The following ELP4 variants were observed in gnomAD, a reference collection of about 807,000 sequenced individuals.
ELP4 encodes the protein elongator acetyltransferase complex subunit 4, also known as elongator complex protein 4.
Under a neutral mutation model 48.9 loss-of-function variants are expected in ELP4, and 51 were observed. That is an observed-to-expected ratio of 1.04 (90% CI 0.83 to 1.32). The LOEUF is 1.32. Among genes scored for constraint, ELP4 ranks in the 40% most tolerant of loss-of-function variants. The pLI is 0.00. For synonymous variants in ELP4, 210 were observed against 189.2 expected (o/e 1.11, Z -0.90); for missense variants, 519 against 514.6 (o/e 1.01, Z -0.08).
chr11:31,715,661 C>G (rs1358556833), intron 9 of ELP4, among the ~76,000 whole-genome samples: 1 of 152,190 alleles, frequency 6.6e-6, no homozygotes, highest in African/African-American at 2.4e-5. Context: ...AGGCTAAACA[C>G]ATAGCATAAG....
At chr11:31,546,842 C>T (rs138390399) in intron 3 of ELP4, among the ~76,000 whole-genome samples, 156 of 152,172 alleles carry the variant, frequency 1.0e-3, no homozygotes, top group African/African-American at 3.0e-3. Context: ...CACTCAAAAC[C>T]GCTCAACTGT....
chr11:31,661,830 C>A (rs1945563270), intron 9 of ELP4, among the ~76,000 whole-genome samples: 1 of 152,002 alleles, frequency 6.6e-6, no homozygotes, highest in Admixed American at 6.6e-5. Flanking sequence ...GAAAACAGTT[C>A]ATGAGACTTA....
chr11:31,662,930 A>G (rs1945595224), intron 9 of ELP4: 2 of 186,278 alleles, frequency 1.1e-5, no homozygotes, highest in South Asian at 3.9e-4. Context: ...CCTCTCTGTA[A>G]TCATGTGGAA....
chr11:31,786,356 T>C lies in ELP4; in HGVS notation c.*2832T>C, dbSNP rs1283911411. On this transcript the variant is annotated 3_prime_UTR_variant, in exon 10 of 10. Coordinates refer to ENST00000640961, the MANE Select transcript of ELP4 (RefSeq NM_019040.5). ...CCAAAGATAGTCACCGTCAACATTA[T>C]TGAAATAAGCAGTACTAACCCTAAG... is the stretch of plus-strand genomic sequence containing the variant. 1.9e-5 allele frequency: 4 copies of C among 211,368 alleles called. No individual in the cohort carries two copies. The Admixed American group carries it at 2.3e-4, about 12-fold the overall frequency. 13.1% of individuals were successfully genotyped at this position (211,368 alleles called of 1,614,324 possible).
At chr11:31,690,222 T>G (rs1446279931) in intron 9 of ELP4, among the ~76,000 whole-genome samples, 1 of 152,170 alleles carries the variant, frequency 6.6e-6, no homozygotes, top group Non-Finnish European at 1.5e-5. Flanking sequence ...AAAGCCCATC[T>G]GTTTCCACCT....
intron 9 of ELP4, among the ~76,000 whole-genome samples, chr11:31,722,104 C>T (rs999569904): frequency 6.6e-6 from 1 of 152,146 alleles, no homozygotes; most frequent in East Asian, 1.9e-4. Flanking sequence ...CATTATTAAA[C>T]ATACATAATA....
In ELP4 at chr11:31,719,439, A is replaced by G. The variant is rs568948560; in HGVS notation, c.1144-63954A>G. The G allele has an allele frequency of 5.8e-5, 23 of 398,060 alleles. No individual in the cohort carries two copies. The East Asian group carries it at 7.2e-4, about 12-fold the overall frequency. The allele number at this position is 398,060 out of a possible 1,614,324, so 24.7% of individuals were successfully genotyped here. ...AGTTGAGGTTTATAATTATGTTTTT[A>G]TAATTCTAATAATGAAATTTCTCAT... On this transcript the variant is annotated intron_variant, in intron 9 of 9. Coordinates refer to ENST00000640961, the MANE Select transcript of ELP4 (RefSeq NM_019040.5).
intron 9 of ELP4, chr11:31,763,324 G>A (rs980425990): frequency 1.8e-5 from 21 of 1,179,380 alleles, no homozygotes; most frequent in Non-Finnish European, 2.2e-5. Flanking sequence ...AAGAAAATGA[G>A]ATGTTAGCTT....
chr11:31,647,013 A>G (rs1313164441), intron 7 of ELP4: 3 of 151,798 alleles, frequency 2.0e-5, no homozygotes, highest in East Asian at 1.9e-4. Flanking sequence ...TTGATCTGGC[A>G]AAATGTGACA....
At chr11:31,732,299 G>A (rs1947208028) in intron 9 of ELP4, among the ~76,000 whole-genome samples, 1 of 151,956 alleles carries the variant, frequency 6.6e-6, no homozygotes, top group South Asian at 2.1e-4. Context: ...ATATAAAGTG[G>A]GTGGGGGTAG....
At chr11:31,635,424 G>A (rs112150183) in intron 7 of ELP4, among the ~76,000 whole-genome samples, 19 of 151,918 alleles carry the variant, frequency 1.3e-4, no homozygotes, top group African/African-American at 4.1e-4. Context: ...CTAATGAGTG[G>A]CAGACTTTAG....
At chr11:31,720,218 C>T (rs1946931089) in intron 9 of ELP4, among the ~76,000 whole-genome samples, 1 of 152,088 alleles carries the variant, frequency 6.6e-6, no homozygotes, top group Non-Finnish European at 1.5e-5. Flanking sequence ...AAACTCGGAA[C>T]TTAATATGTA....
At chr11:31,686,352 G>C (rs887620227) in intron 9 of ELP4, among the ~76,000 whole-genome samples, 1 of 146,396 alleles carries the variant, frequency 6.8e-6, no homozygotes, top group African/African-American at 2.5e-5. Context: ...TTTTGGTATG[G>C]AATAGCTTCT....
chr11:31,666,711 GT>G (rs1432984928), intron 9 of ELP4, among the ~76,000 whole-genome samples: 1 of 145,678 alleles, frequency 6.9e-6, no homozygotes, highest in Non-Finnish European at 1.5e-5. Flanking sequence ...AAAAAAAAAG[GT>G]TCCTTATGTA....
At chr11:31,702,891 T>C (rs1050480584) in intron 9 of ELP4, among the ~76,000 whole-genome samples, 1 of 152,160 alleles carries the variant, frequency 6.6e-6, no homozygotes, top group African/African-American at 2.4e-5. Flanking sequence ...GTTAATGTAA[T>C]AATATTTACT....
chr11:31,622,089 CTATGTACCAAACACTTTAT>C, intron 5 of ELP4, among the ~76,000 whole-genome samples: 1 of 151,722 alleles, frequency 6.6e-6, no homozygotes, highest in Middle Eastern at 3.5e-3. Context: ...TGATTATTTA[CTATGTACCAAACACTTTAT>C]CAGTTGATAT....
chr11:31,737,020 A>C (rs1315789808), intron 9 of ELP4, among the ~76,000 whole-genome samples: 1 of 152,232 alleles, frequency 6.6e-6, no homozygotes, highest in East Asian at 1.9e-4. Flanking sequence ...ATGCACACGT[A>C]TGTTTATTGC....
chr11:31,691,657 T>C (rs1276776224), intron 9 of ELP4, among the ~76,000 whole-genome samples: 1 of 152,172 alleles, frequency 6.6e-6, no homozygotes, highest in Admixed American at 6.5e-5. Flanking sequence ...CCAAATAGAA[T>C]GGTACATATG....
intron 9 of ELP4, chr11:31,719,523 T>G (rs974399692): frequency 7.5e-6 from 3 of 398,188 alleles, no homozygotes; most frequent in Admixed American, 8.8e-5. Context: ...TTTGATTTTT[T>G]CCAAAACTTG....
Sources: gnomAD v4.1 joint callset for allele counts (sites outside exome capture counted in the v4.1 genomes callset) on GRCh38, gnomAD v4.1.1 for gene constraint, MANE v1.5 for transcripts, NCBI Gene and HGNC (gene_info 2026-07-23, HGNC 2026-07-21) for gene names.